HIGD1C: variants seen among roughly 807,000 people sequenced by gnomAD.
The protein encoded by HIGD1C is HIG1 hypoxia inducible domain family member 1C, also known as HIG1 domain family member 1C.
In HIGD1C, 11 loss-of-function variants were observed where a neutral mutation model predicts 13.1. That is an observed-to-expected ratio of 0.84 (90% CI 0.53 to 1.39). HIGD1C has a LOEUF of 1.39. HIGD1C is among the 40% of genes most tolerant of loss of function. The pLI is 0.00. For missense variants in HIGD1C, 110 were observed against 112.0 expected, an observed-to-expected ratio of 0.98 and a Z score of 0.08; for synonymous variants, 36 against 37.7, an observed-to-expected ratio of 0.95 and a Z score of 0.17.
the HIGD1C span, chr12:50,931,218 C>A: frequency 6.6e-6 from 1 of 151,538 alleles, no homozygotes; most frequent in African/African-American, 2.4e-5. Flanking sequence ...AATGGTTACC[C>A]ATCAGATTTT....
chr12:50,968,350 C>T (rs1358120114), intron 2 of HIGD1C, among the ~76,000 whole-genome samples: 3 of 152,100 alleles, frequency 2.0e-5, no homozygotes, highest in South Asian at 2.1e-4. Context: ...TGCCTCCCAA[C>T]TTACCGTAAT....
chr12:50,955,801 TGAACA>T (rs1356543294), intron 1 of HIGD1C, among the ~76,000 whole-genome samples: 3 of 152,180 alleles, frequency 2.0e-5, no homozygotes, highest in Non-Finnish European at 4.4e-5. Context: ...CAATGCTACT[TGAACA>T]GATCACTATA....
At chr12:50,954,022 A>G in exon 1 of HIGD1C, 1 of 1,612,620 alleles carries the variant, frequency 6.2e-7, no homozygotes, top group Non-Finnish European at 8.5e-7. Flanking sequence ...ACCAGTGGTC[A>G]GCAGATGAGG....
chr12:50,939,062 G>A, the HIGD1C span, among the ~76,000 whole-genome samples: 1 of 152,054 alleles, frequency 6.6e-6, no homozygotes, highest in African/African-American at 2.4e-5. Flanking sequence ...AATGCTACAT[G>A]TTGGTCTCCA....
upstream of HIGD1C, among the ~76,000 whole-genome samples, chr12:50,952,777 T>C (rs560230532): frequency 6.6e-6 from 1 of 152,338 alleles, no homozygotes; most frequent in South Asian, 2.1e-4. Context: ...GCGCACCTCC[T>C]CTGGCTAGGG....
intron 1 of HIGD1C, among the ~76,000 whole-genome samples, chr12:50,957,054 G>A (rs964019556): frequency 2.0e-5 from 3 of 151,046 alleles, no homozygotes; most frequent in South Asian, 2.1e-4. Flanking sequence ...GTGGATCAGT[G>A]TATAAAATAT....
At chr12:50,945,138 G>A in the HIGD1C span, among the ~76,000 whole-genome samples, 462 of 152,216 alleles carry the variant, frequency 3.0e-3, 2 homozygotes, top group Non-Finnish European at 3.8e-3. Context: ...TACTGAATGG[G>A]CAAAAACTGG....
At chr12:50,971,438 T>C (rs1939758357), downstream of HIGD1C, among the ~76,000 whole-genome samples, 1 of 152,210 alleles carries the variant, frequency 6.6e-6, no homozygotes, top group Admixed American at 6.5e-5. Flanking sequence ...TTAAAGTAGT[T>C]CTAGGAATAC....
chr12:50,969,164 C>T (rs927353620), intron 2 of HIGD1C, among the ~76,000 whole-genome samples: 2 of 151,394 alleles, frequency 1.3e-5, no homozygotes, highest in Non-Finnish European at 2.9e-5. Flanking sequence ...TGTGGTGGCG[C>T]ACACCTATAG....
chr12:50,946,916 A>C, the HIGD1C span, among the ~76,000 whole-genome samples: 62 of 149,266 alleles, frequency 4.2e-4, no homozygotes, highest in South Asian at 0.011. Context: ...AATAAAAAAT[A>C]AATAAATAAA....
At chr12:50,955,475 G>A (rs1410925170) in intron 1 of HIGD1C, among the ~76,000 whole-genome samples, 1 of 152,120 alleles carries the variant, frequency 6.6e-6, no homozygotes, top group African/African-American at 2.4e-5. Flanking sequence ...AGCCATGCCT[G>A]TTTCCTTGTG....
intron 1 of HIGD1C, 75 bp downstream of exon 3, chr12:50,954,167 G>A: frequency 1.2e-6 from 1 of 860,154 alleles, no homozygotes. Context: ...TTTGCGGATT[G>A]AAATGTTTCT....
At chr12:50,937,326 C>T in the HIGD1C span, among the ~76,000 whole-genome samples, 1 of 152,210 alleles carries the variant, frequency 6.6e-6, no homozygotes, top group Non-Finnish European at 1.5e-5. Flanking sequence ...GCAGCTGGGC[C>T]AGGTATGCCA....
At chr12:50,970,485 C>T (rs1376492190) in exon 3 of HIGD1C, 2 of 1,534,160 alleles carry the variant, frequency 1.3e-6, no homozygotes, top group Non-Finnish European at 1.8e-6. Flanking sequence ...GACCACGATT[C>T]TTCAGTGAGT....
upstream of HIGD1C, among the ~76,000 whole-genome samples, chr12:50,952,618 G>A (rs967227412): frequency 1.3e-5 from 2 of 152,186 alleles, no homozygotes; most frequent in African/African-American, 4.8e-5. Context: ...ACAGGCGCAG[G>A]GACTAGCCAC....
At chr12:50,958,535 C>A (rs1478861004) in intron 1 of HIGD1C, among the ~76,000 whole-genome samples, 2 of 151,630 alleles carry the variant, frequency 1.3e-5, no homozygotes, top group African/African-American at 4.8e-5. Context: ...CCCGCCTCGG[C>A]CTCCCAAAGT....
At chr12:50,959,798 C>A (rs139584004) in intron 1 of HIGD1C, among the ~76,000 whole-genome samples, 4,594 of 152,202 alleles carry the variant, frequency 0.03, 110 homozygotes, top group East Asian at 0.079. Context: ...CAGGCATGTA[C>A]CACCACGCCC....
chr12:50,940,859 T>TC, the HIGD1C span, among the ~76,000 whole-genome samples: 234 of 152,084 alleles, frequency 1.5e-3, 1 homozygote, highest in Middle Eastern at 3.4e-3. Context: ...TTCTTTTTTT[T>TC]CTGGAGATGG....
chr12:50,960,909 G>GT (rs141832341), intron 1 of HIGD1C, 59 bp from the exon 4 acceptor site: 239,175 of 1,446,372 alleles, frequency 0.17, 23,078 homozygotes, highest in East Asian at 0.49. Context: ...CAAACTCCTG[G>GT]TCTCACACGA....
Sources: allele counts gnomAD v4.1 joint callset (sites outside exome capture counted in the v4.1 genomes callset), GRCh38; gene constraint gnomAD v4.1.1; transcripts MANE v1.5; gene names NCBI Gene and HGNC (gene_info 2026-07-23, HGNC 2026-07-21).